The following IGFL2 variants were observed in gnomAD, a reference collection of about 807,000 sequenced individuals.
IGFL2 encodes IGF like family member 2, also known as insulin growth factor-like family member 2.
IGFL2 carries 7 observed loss-of-function variants against 13.9 expected under a neutral mutation model. That is an observed-to-expected ratio of 0.51 (90% CI 0.29 to 0.95). The LOEUF (loss-of-function observed/expected upper bound fraction) is 0.95, where lower values mean the gene tolerates loss of function less well. Ranked by LOEUF, IGFL2 falls within the 40% of genes least tolerant of loss-of-function variation. IGFL2 has a pLI of 0.08. For missense variants in IGFL2, 138 were observed against 147.8 expected (o/e 0.93, Z 0.34); for synonymous variants, 55 against 55.8 (o/e 0.99, Z 0.07).
the IGFL2 span, among the ~76,000 whole-genome samples, chr19:46,167,728 A>G: frequency 0.018 from 2,795 of 152,302 alleles, 36 homozygotes; most frequent in Middle Eastern, 0.034. Context: ...GCTTGAGGTC[A>G]TAAGGGTAGG....
chr19:46,111,550 C>G, the IGFL2 span: 1 of 152,208 alleles, frequency 6.6e-6, no homozygotes, highest in East Asian at 1.9e-4. Context: ...TATGATCACA[C>G]CCACATTGCC....
At chr19:46,094,976 G>A in the IGFL2 span, among the ~76,000 whole-genome samples, 10 of 152,262 alleles carry the variant, frequency 6.6e-5, no homozygotes, top group African/African-American at 1.9e-4. Context: ...TGTGAGTAGT[G>A]CTGCAGTAAA....
At chr19:46,089,755 C>CT in the IGFL2 span, among the ~76,000 whole-genome samples, 2 of 151,218 alleles carry the variant, frequency 1.3e-5, no homozygotes, top group Non-Finnish European at 2.9e-5. Context: ...TTATTTGCTT[C>CT]TTTTTTCTTG....
chr19:46,152,780 C>T (rs1973577520), intron 1 of IGFL2, among the ~76,000 whole-genome samples: 1 of 152,140 alleles, frequency 6.6e-6, no homozygotes, highest in South Asian at 2.1e-4. Context: ...CAATCTTTCA[C>T]AATTAAGTAT....
chr19:46,209,658 T>C, the IGFL2 span: 2 of 152,212 alleles, frequency 1.3e-5, no homozygotes, highest in Non-Finnish European at 2.9e-5. Context: ...GTCAAGAATA[T>C]GTCAGCTTCC....
chr19:46,080,954 G>A, the IGFL2 span, among the ~76,000 whole-genome samples: 4 of 152,214 alleles, frequency 2.6e-5, no homozygotes, highest in Non-Finnish European at 5.9e-5. Context: ...TGATGGACGG[G>A]AACCTGATCT....
At chr19:46,163,442 G>A (rs893050468), downstream of IGFL2, among the ~76,000 whole-genome samples, 4 of 152,188 alleles carry the variant, frequency 2.6e-5, no homozygotes, top group African/African-American at 9.7e-5. Context: ...TCTGTGCCGT[G>A]GGTCCATGCC....
chr19:46,124,558 G>A, the IGFL2 span: 20 of 1,397,282 alleles, frequency 1.4e-5, no homozygotes, highest in South Asian at 2.3e-5. Flanking sequence ...GGAATAAATC[G>A]GGTTGAGGTT....
At chr19:46,136,710 T>G in the IGFL2 span, 75 of 505,852 alleles carry the variant, frequency 1.5e-4, no homozygotes, top group African/African-American at 1.1e-3. Context: ...CCAGAAATCA[T>G]GACATTTCTG....
chr19:46,206,808 T>G, the IGFL2 span: 1 of 152,196 alleles, frequency 6.6e-6, no homozygotes, highest in East Asian at 1.9e-4. Context: ...CCCTGCAGCT[T>G]CAGGAGAGGG....
the IGFL2 span, chr19:46,198,000 C>CCCGT: frequency 2.0e-5 from 2 of 102,124 alleles, no homozygotes; most frequent in Non-Finnish European, 4.1e-5. Flanking sequence ...CCCTCCCCTC[C>CCCGT]CCCTCCCTCC....
the IGFL2 span, chr19:46,113,021 G>T: frequency 6.6e-6 from 1 of 152,170 alleles, no homozygotes; most frequent in Non-Finnish European, 1.5e-5. Flanking sequence ...AATTGAGAGA[G>T]AATTTCTATT....
the IGFL2 span, among the ~76,000 whole-genome samples, chr19:46,170,944 C>T: frequency 6.6e-6 from 1 of 152,250 alleles, no homozygotes; most frequent in Admixed American, 6.5e-5. Flanking sequence ...TCGCCCTGAC[C>T]TTCTGCCCTT....
At chr19:46,171,718 A>T in the IGFL2 span, among the ~76,000 whole-genome samples, 1 of 152,138 alleles carries the variant, frequency 6.6e-6, no homozygotes, top group Non-Finnish European at 1.5e-5. Context: ...ATGCGAGTAC[A>T]CTTACTTTAT....
the IGFL2 span, among the ~76,000 whole-genome samples, chr19:46,168,571 A>G: frequency 6.0e-4 from 91 of 152,300 alleles, no homozygotes; most frequent in South Asian, 0.018. Flanking sequence ...CCCACACCCT[A>G]TAACTTAATA....
chr19:46,161,041 G>A lies in IGFL2; in HGVS notation c.342-29G>A, dbSNP rs190042490. ...TCAGTTATCTCCTTGTCTGTTATTC[G>A]TAATTTCTTGGTTTCTTTTTCTCTG... On this transcript the variant is annotated intron_variant, in intron 3 of 3. Transcript: ENST00000377693. 185 of 1,579,424 alleles carry A rather than the reference G, an allele frequency of 1.2e-4. 1 individual carries two copies. The highest frequency in any genetic ancestry group is 9.7e-4 in the South Asian group (85 of 87,676).
the IGFL2 span, among the ~76,000 whole-genome samples, chr19:46,126,561 C>T: frequency 1.3e-5 from 2 of 152,296 alleles, no homozygotes; most frequent in Admixed American, 6.5e-5. Context: ...TCTTTATCTT[C>T]TTGTGCCCCA....
downstream of IGFL2, among the ~76,000 whole-genome samples, chr19:46,162,570 C>T (rs544492822): frequency 1.4e-4 from 22 of 152,312 alleles, no homozygotes; most frequent in African/African-American, 5.3e-4. Flanking sequence ...ATTCTTTCCT[C>T]AGCTTGGTTT....
At chr19:46,114,560 G>T in the IGFL2 span, among the ~76,000 whole-genome samples, 1 of 152,152 alleles carries the variant, frequency 6.6e-6, no homozygotes, top group African/African-American at 2.4e-5. Flanking sequence ...CACATGTTAG[G>T]GAGGGACATG....
Sources: allele counts gnomAD v4.1 joint callset (sites outside exome capture counted in the v4.1 genomes callset), GRCh38; gene constraint gnomAD v4.1.1; transcripts MANE v1.5; gene names NCBI Gene and HGNC (gene_info 2026-07-23, HGNC 2026-07-21).